The following SLF1 variants were observed in gnomAD, a reference collection of about 807,000 sequenced individuals.
SLF1 encodes SMC5/6 complex localization factor 1.
A neutral mutation model predicts 123.0 loss-of-function variants in SLF1; 105 were observed. That is an observed-to-expected ratio of 0.85 (90% confidence interval 0.73 to 1.00). The LOEUF (loss-of-function observed/expected upper bound fraction) is 1.00, where lower values mean the gene tolerates loss of function less well. SLF1 is among the 50% of genes least tolerant of loss of function. The probability of loss-of-function intolerance (pLI) is 0.00; values close to 1 mark genes in which losing one functional copy is unlikely to be tolerated. For synonymous variants in SLF1, 434 were observed against 406.6 expected, an observed-to-expected ratio of 1.07 and a Z score of -0.81; for missense variants, 1,239 against 1,223.0, an observed-to-expected ratio of 1.01 and a Z score of -0.20.
intron 1 of SLF1, among the ~76,000 whole-genome samples, chr5:94,625,226 ACT>A (rs892996713): frequency 6.6e-5 from 10 of 151,378 alleles, no homozygotes; most frequent in South Asian, 2.1e-4. Context: ...ACAATAAAAA[ACT>A]CTTGTATTCT....
Position 94,688,563 on chromosome 5 carries a change from C to G in SLF1, c.2179C>G (p.Gln727Glu). 1 of 1,614,016 alleles carries G rather than the reference C, an allele frequency of 6.2e-7. No homozygotes were observed. Among genetic ancestry groups the G allele is most frequent in the Non-Finnish European group, 8.5e-7 (1 of 1,179,936 alleles). Reference sequence around the variant, plus strand: ...TGGTGTGCTTGGGTCTGGAAAGATTCAGGTGTCAAAGAAAATAGGACAGCG... The same window carrying G: ...TGGTGTGCTTGGGTCTGGAAAGATTGAGGTGTCAAAGAAAATAGGACAGCG... Reference protein sequence around the residue: ...KTGVLGSGKIQVSKKIGQRPC... With the variant: ...KTGVLGSGKIEVSKKIGQRPC... Residue 727 changes from glutamine (Q) to glutamate (E), a missense_variant, in exon 17 of 21, where the codon CAG (glutamine) becomes GAG (glutamate). Physicochemically the swap from Gln to Glu is conservative, Grantham distance 29 (BLOSUM62 2). Coordinates refer to ENST00000265140, the MANE Select transcript of SLF1 (RefSeq NM_032290.4).
At chr5:94,633,604 G>T (rs1251995993) in intron 4 of SLF1, among the ~76,000 whole-genome samples, 2 of 152,072 alleles carry the variant, frequency 1.3e-5, no homozygotes, top group Admixed American at 1.3e-4. Context: ...GCATAAAATT[G>T]CAAAGAAAGA....
chr5:94,646,801 C>T (rs1394379955), intron 5 of SLF1, among the ~76,000 whole-genome samples: 1 of 152,170 alleles, frequency 6.6e-6, no homozygotes, highest in African/African-American at 2.4e-5. Flanking sequence ...CCCTCAGTTT[C>T]TCCCTTTGTG....
chr5:94,667,425 C>CT, intron 12 of SLF1, among the ~76,000 whole-genome samples: 1 of 152,300 alleles, frequency 6.6e-6, no homozygotes, highest in South Asian at 2.1e-4. Context: ...CTTATATAAA[C>CT]TATTGCAGTA....
At chr5:94,687,073 A>G (rs1386582753) in intron 16 of SLF1, among the ~76,000 whole-genome samples, 1 of 152,222 alleles carries the variant, frequency 6.6e-6, no homozygotes, top group African/African-American at 2.4e-5. Context: ...CCACAAACTC[A>G]ATTTTAAAAA....
intron 11 of SLF1, among the ~76,000 whole-genome samples, chr5:94,665,591 A>G (rs2152487709): frequency 6.6e-6 from 1 of 152,284 alleles, no homozygotes; most frequent in South Asian, 2.1e-4. Context: ...TCTACTAAAA[A>G]TACAAAAATT....
rs1325732465 is a variant in SLF1, at chr5:94,670,912, G to C, written c.1731G>C (p.Trp577Cys). 1 of 1,550,050 alleles carries C rather than the reference G, an allele frequency of 6.5e-7. No homozygotes were observed. Among genetic ancestry groups the C allele is most frequent in the Non-Finnish European group, 8.7e-7 (1 of 1,145,912 alleles). ...TGKAMLLEIF[W>C]SGSETSGLLT... Reference sequence around the variant, plus strand: ...AGGCAATGCTTCTTGAAATTTTTTGGTCAGGAAGTGAAACCTCTGGGCTTT... The same window carrying C: ...AGGCAATGCTTCTTGAAATTTTTTGCTCAGGAAGTGAAACCTCTGGGCTTT... Residue 577 changes from tryptophan to cysteine, a missense_variant, in exon 14 of 21, where the codon TGG becomes TGC. Physicochemically the swap from Trp to Cys is radical, Grantham distance 215. Transcript: ENST00000265140.
chr5:94,648,290 G>T (rs1378760169), intron 5 of SLF1, among the ~76,000 whole-genome samples: 2 of 152,178 alleles, frequency 1.3e-5, no homozygotes, highest in African/African-American at 4.8e-5. Context: ...TATTCTCAGG[G>T]ATTATTCTGT....
rs1036836470 is a variant in SLF1 at position 94,663,876 on chromosome 5, G to A, written c.1336G>A (p.Val446Ile). The A allele has an allele frequency of 7.1e-6, 11 of 1,544,890 alleles. No homozygotes were observed. The highest frequency in any genetic ancestry group is 1.4e-5 in the African/African-American group (1 of 72,702). The change falls in exon 11 of 21, where the codon GTT (valine) becomes ATT (isoleucine). Residue 446 changes from valine to isoleucine, a missense_variant. Val to Ile is a conservative substitution (Grantham distance 29, BLOSUM62 3). Coordinates refer to ENST00000265140, the MANE Select transcript of SLF1 (RefSeq NM_032290.4). ...LQAHYIPPVC[V>I]LHALLENVLQ... is the part of the protein sequence containing the mutation. The stretch of plus-strand genomic sequence containing the variant: ...GGCACATTATATCCCTCCTGTATGC[G>A]TTCTTCATGCCCTTCTAGAGAACGT...
Position 94,695,306 on chromosome 5 carries a change from T to G in SLF1, c.3171T>G (p.Phe1057Leu). 4 of 1,598,848 alleles carry G rather than the reference T, an allele frequency of 2.5e-6. No individual in the cohort carries two copies. Among genetic ancestry groups the G allele is most frequent in the South Asian group, 2.3e-5 (2 of 88,364 alleles). ...LEMMCRSVME[F>L]S ...TGATGTGTCGGTCAGTCATGGAGTT[T>G]TCATGATGATGCTAGAAAGTATGGA... Residue 1057 changes from phenylalanine (F) to leucine (L), a missense_variant, in exon 21 of 21, where the codon TTT (phenylalanine) becomes TTG (leucine). Transcript: ENST00000265140.
At position 94,630,665 on chromosome 5, in the gene SLF1, C is replaced by G. The variant is rs1394448919; in HGVS notation, c.353C>G (p.Thr118Ser). 1 of 1,551,726 alleles carries G rather than the reference C, an allele frequency of 6.4e-7. No homozygotes were observed. The highest frequency in any genetic ancestry group is 2.4e-5 in the East Asian group (1 of 40,918). ...AGATGGCGTGAAGAACTGAAACGCA[C>G]TGGTGCTCCAGGAGCCTTCCACAGA... Reference protein sequence around the residue: ...PKRWREELKRTGAPGAFHRWK... With the variant: ...PKRWREELKRSGAPGAFHRWK... Residue 118 changes from threonine (T) to serine (S), a missense_variant, in exon 4 of 21, where the codon ACT becomes AGT. Coordinates refer to ENST00000265140, the MANE Select transcript of SLF1 (RefSeq NM_032290.4).
chr5:94,660,203 C>A (rs1158773533), intron 9 of SLF1, among the ~76,000 whole-genome samples: 1 of 152,056 alleles, frequency 6.6e-6, no homozygotes, highest in African/African-American at 2.4e-5. Context: ...TGGGTTGATC[C>A]CGATGTTCCT....
intron 4 of SLF1, among the ~76,000 whole-genome samples, chr5:94,639,583 A>AC (rs1746216338): frequency 6.6e-6 from 1 of 151,948 alleles, no homozygotes; most frequent in Non-Finnish European, 1.5e-5. Flanking sequence ...TGGAGTGCTG[A>AC]CCCCCTGTGC....
chr5:94,664,052 T>C (rs1749453902), intron 11 of SLF1, 144 bp downstream of exon 11: 1 of 706,514 alleles, frequency 1.4e-6, no homozygotes, highest in African/African-American at 1.9e-5. Flanking sequence ...ACCCATTTAT[T>C]ACTACTGTTC....
At position 94,630,854 on chromosome 5, in the gene SLF1, T is replaced by G. The variant is rs933957273; in HGVS notation, c.431+111T>G. On this transcript the variant is annotated intron_variant, in intron 4 of 20. Coordinates refer to ENST00000265140, the MANE Select transcript of SLF1 (RefSeq NM_032290.4). ...TATTAGCCCAAATGAGCCATGGTGA[T>G]TTACTCCAATCTCCTAGGTAAGCCA... The G allele has an allele frequency of 6.7e-6, 8 of 1,193,006 alleles. No individual in the cohort carries two copies. The African/African-American group carries it at 1.2e-4, about 18-fold the overall frequency. The allele number at this position is 1,193,006 out of a possible 1,614,324, so 73.9% of individuals were successfully genotyped here. A position where few individuals can be genotyped will look rare whatever the true frequency, so the allele number is the denominator to read the frequency against.
Position 94,686,577 on chromosome 5 carries a change from T to G in SLF1, c.1980T>G (p.Phe660Leu). ...AACTTACCTTATGTTCTCCAGACTTTTCTTCACAGGAATTAGAGATTTTCA... is the reference window on the plus strand; with the variant it reads ...AACTTACCTTATGTTCTCCAGACTTGTCTTCACAGGAATTAGAGATTTTCA... ...GSYVSLSCDDFSSQELEIFIC... is the reference protein window; with the variant it reads ...GSYVSLSCDDLSSQELEIFIC... The change falls in exon 16 of 21, where the codon TTT becomes TTG. Residue 660 changes from phenylalanine (F) to leucine (L), a missense_variant. Phe to Leu is a conservative substitution (Grantham distance 22). Coordinates refer to ENST00000265140, the MANE Select transcript of SLF1 (RefSeq NM_032290.4). 6.2e-7 allele frequency: 1 copy of G among 1,613,798 alleles called. No individual in the cohort carries two copies. The highest frequency in any genetic ancestry group is 8.5e-7 in the Non-Finnish European group (1 of 1,179,772).
rs1182063185 is a variant in SLF1, at chr5:94,665,974, G to T, written c.1482G>T (p.Gln494His). 6.4e-7 allele frequency: 1 copy of T among 1,551,366 alleles called. No individual in the cohort carries two copies. The highest frequency in any genetic ancestry group is 2.4e-5 in the East Asian group (1 of 40,894). The part of the protein sequence containing the change: ...AMSRYYLELF[Q>H]CPTCMKGAWS... ...CGAGATATTATTTAGAGTTGTTTCA[G>T]TGTCCAACTTGTATGAAAGGAGCAT... Residue 494 changes from glutamine (Q) to histidine (H), a missense_variant, in exon 12 of 21, where the codon CAG (glutamine) becomes CAT (histidine). Transcript: ENST00000265140.
chr5:94,666,093 A>G (rs895182560), intron 12 of SLF1, 69 bp downstream of exon 12: 4 of 1,342,412 alleles, frequency 3.0e-6, no homozygotes, highest in African/African-American at 3.0e-5. Context: ...TTTTTTTAAG[A>G]TACTGATGAA....
chr5:94,682,786 C>A lies in SLF1; in HGVS notation c.1976-3787C>A, dbSNP rs1019715128. Reference sequence around the variant, plus strand: ...TTTAAGCTCAAATTATCTGAAATTTCTTTTTTATGCCTGATTGAAATTCCT... The same window carrying A: ...TTTAAGCTCAAATTATCTGAAATTTATTTTTTATGCCTGATTGAAATTCCT... On this transcript the variant is annotated intron_variant, in intron 15 of 20. Transcript: ENST00000265140. 2.6e-5 allele frequency among the ~76,000 whole-genome samples: 4 copies of A among 152,216 alleles called. No individual in the cohort carries two copies. In the East Asian group the frequency reaches 7.7e-4, roughly 29 times the overall value.
Sources: allele counts gnomAD v4.1 joint callset (sites outside exome capture counted in the v4.1 genomes callset), GRCh38; gene constraint gnomAD v4.1.1; transcripts MANE v1.5; gene names NCBI Gene and HGNC (gene_info 2026-07-23, HGNC 2026-07-21).